RPH3A: variants seen among roughly 807,000 people sequenced by gnomAD.
The protein encoded by RPH3A is rabphilin 3A.
RPH3A carries 48 observed loss-of-function variants against 102.2 expected under a neutral mutation model. That is an observed-to-expected ratio of 0.47 (90% CI 0.37 to 0.60). RPH3A has a LOEUF of 0.60. RPH3A is among the 20% of genes least tolerant of loss of function. RPH3A has a pLI of 0.00. For synonymous variants in RPH3A, 310 were observed against 324.3 expected (o/e 0.96, Z 0.47); for missense variants, 781 against 910.1 (o/e 0.86, Z 1.83).
intron 1 of RPH3A, among the ~76,000 whole-genome samples, chr12:112,712,904 C>CTTCTTCTTCT (rs2040475211): frequency 2.2e-5 from 2 of 92,528 alleles, no homozygotes; most frequent in African/African-American, 1.1e-4. Context: ...CTTCTTCTTC[C>CTTCTTCTTCT]TCTTCTTCTT....
intron 1 of RPH3A, among the ~76,000 whole-genome samples, chr12:112,619,246 C>G (rs1231546804): frequency 3.2e-5 from 4 of 125,446 alleles, no homozygotes; most frequent in African/African-American, 6.0e-5. Context: ...TATGGTAATT[C>G]TGTGTGTGTG....
chr12:112,591,325 A>G (rs1376636897), intron 1 of RPH3A, among the ~76,000 whole-genome samples: 2 of 152,138 alleles, frequency 1.3e-5, no homozygotes, highest in African/African-American at 2.4e-5. Flanking sequence ...GCCTCAAGCG[A>G]TCCTCCCACC....
chr12:112,874,720 GCCTGTTTGTGTCATTGTATCTT>G lies in RPH3A; in HGVS notation c.797-361_797-340del, dbSNP rs558952505. The G allele has an allele frequency of 3.2e-3, 702 of 218,752 alleles. 3 individuals carry two copies. Among genetic ancestry groups the G allele is most frequent in the African/African-American group, 0.016 (685 of 44,094 alleles). 13.6% of individuals were successfully genotyped at this position (218,752 alleles called of 1,614,324 possible). On this transcript the variant is annotated intron_variant, in intron 10 of 21. Transcript: ENST00000389385. Reference sequence around the variant, plus strand: ...CATGCCAAGCACTGTTCTGAGCATTGCCTGTTTGTGTCATTGTATCTTCCCCACAACTCTATCAGCTAAGTGA... The same window carrying G: ...CATGCCAAGCACTGTTCTGAGCATTGCCCCACAACTCTATCAGCTAAGTGA...
intron 1 of RPH3A, among the ~76,000 whole-genome samples, chr12:112,702,687 C>T (rs2040402601): frequency 6.6e-6 from 1 of 152,168 alleles, no homozygotes; most frequent in African/African-American, 2.4e-5. Flanking sequence ...GGGTCTGGGC[C>T]CCACTTGTAG....
intron 1 of RPH3A, among the ~76,000 whole-genome samples, chr12:112,762,952 G>T (rs1236597787): frequency 6.6e-6 from 1 of 152,186 alleles, no homozygotes; most frequent in Non-Finnish European, 1.5e-5. Context: ...CATCCTCTAG[G>T]CAATCAGAGG....
intron 1 of RPH3A, among the ~76,000 whole-genome samples, chr12:112,712,661 GTGTGTGTGTGTA>G (rs1304484552): frequency 6.6e-6 from 1 of 151,794 alleles, no homozygotes; most frequent in Non-Finnish European, 1.5e-5. Context: ...CTACTTGTGT[GTGTGTGTGTGTA>G]TGTGTGTGTG....
intron 1 of RPH3A, among the ~76,000 whole-genome samples, chr12:112,784,131 A>T (rs2041027795): frequency 6.6e-6 from 1 of 152,210 alleles, no homozygotes; most frequent in Non-Finnish European, 1.5e-5. Flanking sequence ...TGTAGATTCA[A>T]TAAAGCTGGG....
intron 5 of RPH3A, among the ~76,000 whole-genome samples, chr12:112,852,495 A>G (rs965556236): frequency 1.1e-4 from 17 of 152,216 alleles, no homozygotes; most frequent in African/African-American, 4.1e-4. Context: ...GCCTCATAAA[A>G]GGCCTACTTC....
intron 1 of RPH3A, among the ~76,000 whole-genome samples, chr12:112,658,861 G>A (rs2040031477): frequency 6.6e-6 from 1 of 152,284 alleles, no homozygotes; most frequent in Non-Finnish European, 1.5e-5. Flanking sequence ...TGACCTTCCA[G>A]GCCAACGGCG....
At chr12:112,671,870 T>TACACAC (rs372046825) in intron 1 of RPH3A, among the ~76,000 whole-genome samples, 1 of 147,616 alleles carries the variant, frequency 6.8e-6, no homozygotes, top group Non-Finnish European at 1.5e-5. Flanking sequence ...TCTATCTATC[T>TACACAC]ACACACACAC....
rs149094243 is a variant in RPH3A at position 112,714,416 on chromosome 12, C to A, written c.-139-77727C>A. Among the ~76,000 whole-genome samples the A allele has an allele frequency of 2.6e-4, 39 of 152,268 alleles. No individual in the cohort carries two copies. The East Asian group carries it at 5.6e-3, about 22-fold the overall frequency. The stretch of plus-strand genomic sequence containing the variant: ...GGAGCCAGGCCTCGCTCTAATCAAG[C>A]AGAACCAGCTTGCACAGTCATCAGC... On this transcript the variant is annotated intron_variant, in intron 1 of 21. Coordinates refer to the RPH3A transcript ENST00000543106.
intron 1 of RPH3A, among the ~76,000 whole-genome samples, chr12:112,748,286 C>T (rs145710362): frequency 1.3e-5 from 2 of 152,120 alleles, no homozygotes; most frequent in Non-Finnish European, 2.9e-5. Flanking sequence ...TGGAATCATG[C>T]GGAATGTTTA....
chr12:112,755,183 T>A (rs2040813770), intron 1 of RPH3A, among the ~76,000 whole-genome samples: 1 of 152,108 alleles, frequency 6.6e-6, no homozygotes, highest in South Asian at 2.1e-4. Context: ...CTCCTTACCT[T>A]TTATTCATCT....
chr12:112,781,342 C>T (rs540793187), intron 1 of RPH3A, among the ~76,000 whole-genome samples: 6 of 152,304 alleles, frequency 3.9e-5, no homozygotes, highest in African/African-American at 9.6e-5. Flanking sequence ...GGAAAGGGCT[C>T]GCAAGAGGTT....
At chr12:112,737,568 T>G (rs2040678655) in intron 1 of RPH3A, among the ~76,000 whole-genome samples, 1 of 152,166 alleles carries the variant, frequency 6.6e-6, no homozygotes, top group African/African-American at 2.4e-5. Flanking sequence ...ACTTCCCATT[T>G]CAATCCCAGA....
At chr12:112,664,824 A>G (rs1310698101) in intron 1 of RPH3A, among the ~76,000 whole-genome samples, 1 of 151,892 alleles carries the variant, frequency 6.6e-6, no homozygotes. Context: ...CAGCGCACCC[A>G]CTGCACGGCC....
At chr12:112,887,989 G>A in intron 17 of RPH3A, 66 bp downstream of exon 17, 2 of 1,575,600 alleles carry the variant, frequency 1.3e-6, no homozygotes, top group South Asian at 1.2e-5. Context: ...CTTCCTCTGG[G>A]TCTGAATTGG....
chr12:112,777,714 G>A (rs1238755317), intron 1 of RPH3A, among the ~76,000 whole-genome samples: 1 of 152,216 alleles, frequency 6.6e-6, no homozygotes, highest in Non-Finnish European at 1.5e-5. Context: ...AACATGAATA[G>A]GATATTGTTT....
intron 1 of RPH3A, among the ~76,000 whole-genome samples, chr12:112,722,298 C>T (rs960454929): frequency 1.3e-5 from 2 of 152,208 alleles, no homozygotes; most frequent in Admixed American, 6.5e-5. Context: ...TGATCAGGTT[C>T]TGTAGGTAGG....
Sources: allele counts gnomAD v4.1 joint callset (sites outside exome capture counted in the v4.1 genomes callset), GRCh38; gene constraint gnomAD v4.1.1; transcripts MANE v1.5; gene names NCBI Gene and HGNC (gene_info 2026-07-23, HGNC 2026-07-21).